SHC2: variants seen among roughly 807,000 people sequenced by gnomAD.
SHC2 encodes the protein SHC-transforming protein 2.
In SHC2, 62 loss-of-function variants were observed where a neutral mutation model predicts 60.6. That is an observed-to-expected ratio of 1.02 (90% confidence interval 0.83 to 1.26). SHC2 has a LOEUF of 1.26. SHC2 is among the 50% of genes most tolerant of loss of function. SHC2 has a pLI of 0.00. For missense variants in SHC2, 873 were observed against 822.2 expected, an observed-to-expected ratio of 1.06 and a Z score of -0.76; for synonymous variants, 375 against 372.4, an observed-to-expected ratio of 1.01 and a Z score of -0.08.
Position 460,757 on chromosome 19 carries a change from C to A in SHC2, c.240G>T (p.Leu80=), listed in dbSNP as rs1051551499. Residue 80 remains leucine (L), a synonymous_variant, in exon 1 of 13, where the codon CTG becomes CTT. Coordinates refer to ENST00000264554, the MANE Select transcript of SHC2 (RefSeq NM_012435.3). ...GGVPALAAAV[L]GACEPRCAAP... is the part of the protein sequence containing the mutation. ...CGGCGCAGCGGGGCTCGCAGGCGCC[C>A]AGGACGGCGGCCGCCAGCGCCGGGA... 9 of 979,440 alleles carry A rather than the reference C, an allele frequency of 9.2e-6. No individual in the cohort carries two copies. Among genetic ancestry groups the A allele is most frequent in the Middle Eastern group, 5.2e-4 (1 of 1,930 alleles). 60.7% of individuals were successfully genotyped at this position (979,440 alleles called of 1,614,324 possible). A position where few individuals can be genotyped will look rare whatever the true frequency, so the allele number is the denominator to read the frequency against.
chr19:447,424 C>G (rs1156289379), intron 1 of SHC2, among the ~76,000 whole-genome samples: 1 of 152,204 alleles, frequency 6.6e-6, no homozygotes, highest in Admixed American at 6.5e-5. Flanking sequence ...ACTAAATACA[C>G]CGCCCTGCAC....
intron 10 of SHC2, among the ~76,000 whole-genome samples, chr19:423,001 G>A (rs902898714): frequency 5.3e-5 from 8 of 152,184 alleles, no homozygotes; most frequent in African/African-American, 1.4e-4. Context: ...AGGGGTGGGC[G>A]TGTCCCCAGG....
At position 422,862 on chromosome 19, in the gene SHC2, C is replaced by T. The variant is rs991323885; in HGVS notation, c.1310-406G>A. 9.4e-5 allele frequency: 16 copies of T among 169,620 alleles called. No homozygotes were observed. The highest frequency in any genetic ancestry group is 9.5e-5 in the African/African-American group (4 of 41,918). 10.5% of individuals were successfully genotyped at this position (169,620 alleles called of 1,614,324 possible). On this transcript the variant is annotated intron_variant, in intron 10 of 12. Coordinates refer to ENST00000264554, the MANE Select transcript of SHC2 (RefSeq NM_012435.3). This position sits in a 1 kb window ranked among gnomAD's most constrained non-coding sequence, Gnocchi z 5.0. ...TGCCCTAAATACTCAAGACGACAGC[C>T]GGCACCCCTCTCTTGCCCCTAGCGT...
intron 1 of SHC2, among the ~76,000 whole-genome samples, chr19:459,825 G>A (rs947669852): frequency 1.3e-5 from 2 of 152,180 alleles, no homozygotes; most frequent in African/African-American, 4.8e-5. Flanking sequence ...GCAGCTGTAG[G>A]ACAGCTGCTC....
In SHC2 at chr19:440,373, G is replaced by GT. The variant is rs1294994461; in HGVS notation, c.539+488dup. The stretch of plus-strand genomic sequence containing the variant: ...ACGCACGTGTAAACTGTCTCACATG[G>GT]TTTTTTTAAGTCTATACGAATGGAA... On this transcript the variant is annotated intron_variant, in intron 2 of 12. Coordinates refer to ENST00000264554, the MANE Select transcript of SHC2 (RefSeq NM_012435.3). The surrounding 1 kb of genome is among the most constrained non-coding windows in gnomAD (Gnocchi z 7.0). Among the ~76,000 whole-genome samples, 1 of 152,124 alleles carries GT rather than the reference G, an allele frequency of 6.6e-6. No individual in the cohort carries two copies. Among genetic ancestry groups the GT allele is most frequent in the Non-Finnish European group, 1.5e-5 (1 of 68,016 alleles).
At chr19:459,850 G>A (rs1238797858) in intron 1 of SHC2, among the ~76,000 whole-genome samples, 3 of 152,174 alleles carry the variant, frequency 2.0e-5, no homozygotes, top group Non-Finnish European at 2.9e-5. Flanking sequence ...AGAAGACGGG[G>A]GACTATGCAC....
intron 5 of SHC2, 27 bp from the exon 6 acceptor site, chr19:436,458 C>T (rs1974724180): frequency 6.2e-7 from 1 of 1,601,736 alleles, no homozygotes; most frequent in Admixed American, 1.7e-5. Context: ...GCCAGCTGGA[C>T]CTGCCTGGGC....
chr19:425,021 G>C lies in SHC2; in HGVS notation c.1309+76C>G. ...CAGACCAGGGAATCCCGTAGGGAGT[G>C]GGGGTGGGGTTGTGCCTCCCCCATC... On this transcript the variant is annotated intron_variant, in intron 10 of 12. Coordinates refer to ENST00000264554, the MANE Select transcript of SHC2 (RefSeq NM_012435.3). This position sits in a 1 kb window ranked among gnomAD's most constrained non-coding sequence, Gnocchi z 4.1. 4 of 1,308,898 alleles carry C rather than the reference G, an allele frequency of 3.1e-6. No homozygotes were observed. The highest frequency in any genetic ancestry group is 4.0e-6 in the Non-Finnish European group (4 of 1,009,566). The allele number at this position is 1,308,898 out of a possible 1,614,324, so 81.1% of individuals were successfully genotyped here.
At chr19:456,555 C>T (rs935718036) in intron 1 of SHC2, among the ~76,000 whole-genome samples, 2 of 152,168 alleles carry the variant, frequency 1.3e-5, no homozygotes, top group Non-Finnish European at 2.9e-5. Flanking sequence ...CACTCTGCGC[C>T]ACCCCCTACT....
rs557404532 is a variant in SHC2 at position 418,954 on chromosome 19, G to A, written c.1723C>T (p.Arg575Cys). The A allele has an allele frequency of 8.8e-5, 140 of 1,587,996 alleles. 1 individual carries two copies. The highest frequency in any genetic ancestry group is 5.8e-4 in the Admixed American group (33 of 56,504). Residue 575 changes from arginine to cysteine, a missense_variant, in exon 12 of 13, where the codon CGT (arginine) becomes TGT (cysteine). Arg to Cys is a radical substitution (Grantham distance 180, BLOSUM62 -3). Coordinates refer to ENST00000264554, the MANE Select transcript of SHC2 (RefSeq NM_012435.3). ...IVAAESELHL[R>C]GVVSREP ...CAGGGCTCCCGTGAGACCACGCCAC[G>A]CAGGTGCAGCTCACTCTCGGCGGCC...
In SHC2 at chr19:424,120, C is replaced by G. The variant is rs554371931; in HGVS notation, c.1309+977G>C. 1.9e-3 allele frequency among the ~76,000 whole-genome samples: 283 copies of G among 152,216 alleles called. No homozygotes were observed. The highest frequency in any genetic ancestry group is 2.7e-3 in the Non-Finnish European group (182 of 68,010). The stretch of plus-strand genomic sequence containing the variant: ...TCCTGAGCTCAGGCAAGGACCCTAC[C>G]CGGCAGCTCAGAGCCAACACCTCTC... On this transcript the variant is annotated intron_variant, in intron 10 of 12. Transcript: ENST00000264554. This position sits in a 1 kb window ranked among gnomAD's most constrained non-coding sequence, Gnocchi z 4.5.
intron 1 of SHC2, among the ~76,000 whole-genome samples, chr19:442,311 A>G (rs1347499764): frequency 1.4e-5 from 2 of 147,280 alleles, no homozygotes; most frequent in Non-Finnish European, 3.0e-5. Context: ...ATGGACAGGC[A>G]GATGGACAAT....
rs1285541161 is a variant in SHC2, at chr19:422,491, G to A, written c.1310-35C>T. The stretch of plus-strand genomic sequence containing the variant: ...AGGGACAGGAGTGCTGGGCAGGCAG[G>A]GGGCAAGCAGCTACTCCTGCCGGGA... On this transcript the variant is annotated intron_variant, in intron 10 of 12. Coordinates refer to ENST00000264554, the MANE Select transcript of SHC2 (RefSeq NM_012435.3). This position sits in a 1 kb window ranked among gnomAD's most constrained non-coding sequence, Gnocchi z 5.0. The A allele has an allele frequency of 4.8e-6, 7 of 1,461,088 alleles. No individual in the cohort carries two copies. The highest frequency in any genetic ancestry group is 1.9e-4 in the Middle Eastern group (1 of 5,352). 90.5% of individuals were successfully genotyped at this position (1,461,088 alleles called of 1,614,324 possible).
chr19:420,447 G>T (rs1255488017), intron 11 of SHC2, among the ~76,000 whole-genome samples: 1 of 152,216 alleles, frequency 6.6e-6, no homozygotes, highest in African/African-American at 2.4e-5. Context: ...GAACCCTCTA[G>T]CACCTCCTCA....
intron 11 of SHC2, chr19:419,649 G>A (rs1974226014): frequency 6.6e-6 from 1 of 152,282 alleles, no homozygotes; most frequent in Non-Finnish European, 1.5e-5. Context: ...CCAGAGCTGT[G>A]AGAATGAACC....
At position 440,693 on chromosome 19, in the gene SHC2, G is replaced by C. The variant is rs1974842140; in HGVS notation, c.539+169C>G. On this transcript the variant is annotated intron_variant, in intron 2 of 12. Coordinates refer to ENST00000264554, the MANE Select transcript of SHC2 (RefSeq NM_012435.3). The surrounding 1 kb of genome is among the most constrained non-coding windows in gnomAD (Gnocchi z 7.0). Reference sequence around the variant, plus strand: ...GCACGGTGACCGACACCTGGCGTGGGGACAGGGCGGAGACGTGGCGTGAAG... The same window carrying C: ...GCACGGTGACCGACACCTGGCGTGGCGACAGGGCGGAGACGTGGCGTGAAG... Among the ~76,000 whole-genome samples the C allele has an allele frequency of 6.6e-6, 1 of 152,214 alleles. No individual in the cohort carries two copies. Among genetic ancestry groups the C allele is most frequent in the African/African-American group, 2.4e-5 (1 of 41,460 alleles).
chr19:452,980 G>A (rs941834056), intron 1 of SHC2, among the ~76,000 whole-genome samples: 10 of 152,178 alleles, frequency 6.6e-5, no homozygotes, highest in Admixed American at 2.0e-4. Context: ...GAGAACGGCC[G>A]GAGTCTCTCA....
rs1389757822 is a variant in SHC2 at position 434,817 on chromosome 19, CAA to C, written c.1000_1001del (p.Leu334GlyfsTer101). 6.2e-7 allele frequency: 1 copy of C among 1,612,814 alleles called. No individual in the cohort carries two copies. The highest frequency in any genetic ancestry group is 8.5e-7 in the Non-Finnish European group (1 of 1,179,794). On this transcript the variant is annotated frameshift_variant, in exon 8 of 13. Transcript: ENST00000264554. LOFTEE classifies it high-confidence loss of function. ...ESAWGDEEDS[L>X]EHNYYNSIPG... ...GGATGCTGTTGTAGTAATTGTGCTCCAAAGAGTCCTCCTCGTCCCCCCAGGCC... is the reference window on the plus strand; with the variant it reads ...GGATGCTGTTGTAGTAATTGTGCTCCAGAGTCCTCCTCGTCCCCCCAGGCC...
At position 425,033 on chromosome 19, in the gene SHC2, G is replaced by A. The variant is rs1229577793; in HGVS notation, c.1309+64C>T. 2 of 1,331,078 alleles carry A rather than the reference G, an allele frequency of 1.5e-6. No individual in the cohort carries two copies. The highest frequency in any genetic ancestry group is 2.8e-5 in the East Asian group (1 of 35,778). 82.5% of individuals were successfully genotyped at this position (1,331,078 alleles called of 1,614,324 possible). A position where few individuals can be genotyped will look rare whatever the true frequency, so the allele number is the denominator to read the frequency against. ...TCCCGTAGGGAGTGGGGGTGGGGTTGTGCCTCCCCCATCAGACAACACGGC... is the reference window on the plus strand; with the variant it reads ...TCCCGTAGGGAGTGGGGGTGGGGTTATGCCTCCCCCATCAGACAACACGGC... On this transcript the variant is annotated intron_variant, in intron 10 of 12. Coordinates refer to ENST00000264554, the MANE Select transcript of SHC2 (RefSeq NM_012435.3). This position sits in a 1 kb window ranked among gnomAD's most constrained non-coding sequence, Gnocchi z 4.1.
Sources: allele counts gnomAD v4.1 joint callset (sites outside exome capture counted in the v4.1 genomes callset), GRCh38; gene constraint gnomAD v4.1.1; non-coding constraint Gnocchi (gnomAD v3.1); transcripts MANE v1.5; gene names NCBI Gene and HGNC (gene_info 2026-07-23, HGNC 2026-07-21).